Variants in ZNF280D observed in about 807,000 individuals in gnomAD.
ZNF280D encodes the protein zinc finger protein 280D, also known as suppressor of hairy wing homolog 4.
In ZNF280D, 39 loss-of-function variants were observed where a neutral mutation model predicts 94.7. The ratio of observed to expected loss-of-function variants is 0.41; its 90% CI spans 0.32 to 0.54. The LOEUF (loss-of-function observed/expected upper bound fraction) is 0.54, where lower values mean the gene tolerates loss of function less well. Ranked by LOEUF, ZNF280D falls within the 20% of genes least tolerant of loss-of-function variation. ZNF280D has a pLI of 0.22. For synonymous variants in ZNF280D, 398 were observed against 377.6 expected, an observed-to-expected ratio of 1.05 and a Z score of -0.63; for missense variants, 1,090 against 1,149.3, an observed-to-expected ratio of 0.95 and a Z score of 0.75.
chr15:56,718,758 A>C (rs2058180523), intron 1 of ZNF280D, among the ~76,000 whole-genome samples: 1 of 152,238 alleles, frequency 6.6e-6, no homozygotes. Context: ...TGAGCACAGC[A>C]GGGCAGCTAC....
chr15:56,695,276 T>C (rs1469304717), intron 6 of ZNF280D, among the ~76,000 whole-genome samples: 1 of 152,064 alleles, frequency 6.6e-6, no homozygotes, highest in Non-Finnish European at 1.5e-5. Flanking sequence ...TTTCATCAGA[T>C]TGGTCAGGCT....
intron 1 of ZNF280D, among the ~76,000 whole-genome samples, chr15:56,722,571 G>C (rs1314905195): frequency 6.6e-6 from 1 of 152,114 alleles, no homozygotes; most frequent in Non-Finnish European, 1.5e-5. Flanking sequence ...TAAAAAGTCA[G>C]GAAACAACAG....
At chr15:56,674,062 T>C (rs1328086031) in intron 13 of ZNF280D, among the ~76,000 whole-genome samples, 2 of 152,084 alleles carry the variant, frequency 1.3e-5, no homozygotes, top group Non-Finnish European at 2.9e-5. Context: ...CTTGGTTTTG[T>C]TCAATGCTAT....
intron 19 of ZNF280D, among the ~76,000 whole-genome samples, chr15:56,649,716 T>C (rs1174821028): frequency 2.0e-5 from 3 of 152,018 alleles, no homozygotes; most frequent in Non-Finnish European, 4.4e-5. Flanking sequence ...GAGCCAATAA[T>C]TCCTCCAAGT....
At chr15:56,712,889 C>T (rs2057847364) in intron 1 of ZNF280D, among the ~76,000 whole-genome samples, 2 of 151,766 alleles carry the variant, frequency 1.3e-5, no homozygotes, top group African/African-American at 4.8e-5. Flanking sequence ...TATAGGTGCG[C>T]ACCATCATGC....
intron 9 of ZNF280D, among the ~76,000 whole-genome samples, chr15:56,686,041 G>C (rs1216811054): frequency 6.6e-6 from 1 of 152,174 alleles, no homozygotes. Context: ...CAGGGGTTGT[G>C]AGTCTAACAT....
At chr15:56,634,325 G>A (rs573935567) in intron 21 of ZNF280D, among the ~76,000 whole-genome samples, 4 of 151,894 alleles carry the variant, frequency 2.6e-5, no homozygotes, top group Non-Finnish European at 4.4e-5. Context: ...ATAATTCTTA[G>A]TTTTGTTCAG....
intron 19 of ZNF280D, chr15:56,652,522 T>A: frequency 1.9e-6 from 1 of 518,164 alleles, no homozygotes; most frequent in Non-Finnish European, 2.5e-6. Context: ...AGGATAATAG[T>A]ATAAAAAGTT....
intron 1 of ZNF280D, 47 bp downstream of exon 1, chr15:56,733,411 C>G (rs1312901257): frequency 9.9e-7 from 1 of 1,009,724 alleles, no homozygotes; most frequent in East Asian, 1.1e-4. Context: ...GCGGGAGGGC[C>G]TCTGCCTGCT....
At chr15:56,700,198 TA>T (rs2056979487) in intron 6 of ZNF280D, 1 of 972,140 alleles carries the variant, frequency 1.0e-6, no homozygotes, top group Non-Finnish European at 1.2e-6. Flanking sequence ...ACACAACATA[TA>T]TGTATGTATG....
intron 6 of ZNF280D, among the ~76,000 whole-genome samples, chr15:56,696,764 C>A (rs2056770794): frequency 6.6e-6 from 1 of 152,208 alleles, no homozygotes; most frequent in African/African-American, 2.4e-5. Flanking sequence ...TTTGACTGCA[C>A]AGTAGAATCA....
At chr15:56,697,511 A>C (rs1421315464) in intron 6 of ZNF280D, among the ~76,000 whole-genome samples, 1 of 152,190 alleles carries the variant, frequency 6.6e-6, no homozygotes, top group Non-Finnish European at 1.5e-5. Flanking sequence ...AAAACATTAG[A>C]AATAGCCTGT....
intron 17 of ZNF280D, among the ~76,000 whole-genome samples, chr15:56,656,291 C>T (rs1483139630): frequency 1.3e-5 from 2 of 152,074 alleles, no homozygotes; most frequent in East Asian, 3.9e-4. Flanking sequence ...TTACATTAAT[C>T]ATTGTCATAT....
At chr15:56,713,373 C>T (rs1347920695) in intron 1 of ZNF280D, among the ~76,000 whole-genome samples, 3 of 152,046 alleles carry the variant, frequency 2.0e-5, no homozygotes, top group African/African-American at 7.2e-5. Context: ...ATACTTAAAA[C>T]GAGTTTTTCA....
intron 13 of ZNF280D, among the ~76,000 whole-genome samples, chr15:56,676,004 G>A (rs749572662): frequency 1.4e-4 from 21 of 151,428 alleles, no homozygotes; most frequent in Non-Finnish European, 1.3e-4. Flanking sequence ...GAGCCAATAA[G>A]CATAATATCA....
chr15:56,638,775 T>C (rs1237298933), intron 20 of ZNF280D, among the ~76,000 whole-genome samples: 1 of 152,144 alleles, frequency 6.6e-6, no homozygotes, highest in African/African-American at 2.4e-5. Context: ...TGGTAAACAT[T>C]AGTAATTTTT....
At chr15:56,689,176 A>T (rs758866444) in intron 8 of ZNF280D, 26 bp from the exon 9 acceptor site, 2 of 1,585,406 alleles carry the variant, frequency 1.3e-6, no homozygotes, top group Non-Finnish European at 8.6e-7. Context: ...AACATTTATG[A>T]CTCAAAATTC....
At chr15:56,667,489 A>C (rs1378033837) in intron 14 of ZNF280D, among the ~76,000 whole-genome samples, 1 of 152,170 alleles carries the variant, frequency 6.6e-6, no homozygotes, top group Non-Finnish European at 1.5e-5. Flanking sequence ...GAGTTACATC[A>C]ATTTATTATA....
At chr15:56,651,836 C>T (rs556373886) in intron 19 of ZNF280D, among the ~76,000 whole-genome samples, 1 of 152,082 alleles carries the variant, frequency 6.6e-6, no homozygotes, top group South Asian at 2.1e-4. Context: ...TCTGCAGACA[C>T]AAAACCCAAG....
Sources: gnomAD v4.1 joint callset for allele counts (sites outside exome capture counted in the v4.1 genomes callset) on GRCh38, gnomAD v4.1.1 for gene constraint, MANE v1.5 for transcripts, NCBI Gene and HGNC (gene_info 2026-07-23, HGNC 2026-07-21) for gene names.